The following ACTR3C variants were observed in gnomAD, a reference collection of about 807,000 sequenced individuals.
ACTR3C encodes actin-related protein 3C.
ACTR3C carries 18 observed loss-of-function variants against 26.3 expected under a neutral mutation model. The observed-to-expected ratio is 0.68, with a 90% CI of 0.47 to 1.01. The LOEUF (loss-of-function observed/expected upper bound fraction) is 1.01. Among genes scored for constraint, ACTR3C ranks in the 50% least tolerant of loss-of-function variants. ACTR3C has a pLI of 0.00. For synonymous variants in ACTR3C, 55 were observed against 94.5 expected (o/e 0.58, Z 2.42); for missense variants, 184 against 250.7 (o/e 0.73, Z 1.80).
chr7:150,241,408 T>A (rs755865624), downstream of ACTR3C, among the ~76,000 whole-genome samples: 29 of 152,112 alleles, frequency 1.9e-4, no homozygotes, highest in Non-Finnish European at 4.0e-4. Context: ...AGCTAGTCCA[T>A]GAGGAAAGGA....
At chr7:150,198,979 TG>T in the ACTR3C span, among the ~76,000 whole-genome samples, 89 of 79,754 alleles carry the variant, frequency 1.1e-3, no homozygotes, top group South Asian at 0.024. Context: ...GGGAGGGAGG[TG>T]GGGGGGGTCA....
chr7:150,116,838 C>T, the ACTR3C span, among the ~76,000 whole-genome samples: 1 of 151,998 alleles, frequency 6.6e-6, no homozygotes, highest in African/African-American at 2.4e-5. Flanking sequence ...CCCAGCGAGA[C>T]CAATGCAGAA....
the ACTR3C span, among the ~76,000 whole-genome samples, chr7:149,979,416 C>T: frequency 1.3e-5 from 2 of 152,112 alleles, no homozygotes; most frequent in Non-Finnish European, 2.9e-5. Context: ...ATTCCCTTCC[C>T]CCTAAAAGAC....
intron 1 of ACTR3C, among the ~76,000 whole-genome samples, chr7:150,304,521 G>A (rs1464785274): frequency 1.3e-5 from 2 of 152,128 alleles, no homozygotes; most frequent in Non-Finnish European, 2.9e-5. Flanking sequence ...CCTGCTGCTT[G>A]GAGCTGGCTG....
the ACTR3C span, among the ~76,000 whole-genome samples, chr7:150,158,936 G>A: frequency 5.6e-3 from 801 of 142,930 alleles, 9 homozygotes; most frequent in African/African-American, 0.021. Context: ...CATGTGCGCA[G>A]ACACACGGGC....
At chr7:150,139,877 T>C in the ACTR3C span, among the ~76,000 whole-genome samples, 2 of 152,146 alleles carry the variant, frequency 1.3e-5, no homozygotes, top group African/African-American at 4.8e-5. Context: ...CAGGCAGTGA[T>C]ATAATCCTAG....
At chr7:149,891,467 T>C in the ACTR3C span, 1 of 473,610 alleles carries the variant, frequency 2.1e-6, no homozygotes, top group South Asian at 2.5e-5. Flanking sequence ...AAAAAAAGAT[T>C]AAGTTACATT....
At chr7:150,278,129 G>C (rs1195924817) in intron 6 of ACTR3C, among the ~76,000 whole-genome samples, 1 of 152,032 alleles carries the variant, frequency 6.6e-6, no homozygotes, top group Non-Finnish European at 1.5e-5. Flanking sequence ...ATTCCCTCCA[G>C]ACCCACAGGA....
chr7:150,155,526 T>C, the ACTR3C span, among the ~76,000 whole-genome samples: 1 of 151,972 alleles, frequency 6.6e-6, no homozygotes, highest in Non-Finnish European at 1.5e-5. Flanking sequence ...CACACAACGT[T>C]TACATAAGTT....
At chr7:149,948,398 C>T in the ACTR3C span, among the ~76,000 whole-genome samples, 1 of 150,840 alleles carries the variant, frequency 6.6e-6, no homozygotes. Context: ...CACCTCATCG[C>T]TCCACTTTCC....
chr7:150,187,304 C>A, the ACTR3C span, among the ~76,000 whole-genome samples: 1 of 151,404 alleles, frequency 6.6e-6, no homozygotes, highest in Admixed American at 6.6e-5. Context: ...TTAGACATTA[C>A]CCCAACTGGC....
the ACTR3C span, among the ~76,000 whole-genome samples, chr7:150,041,201 G>A: frequency 0.12 from 12,509 of 102,064 alleles, 23 homozygotes; most frequent in African/African-American, 0.17. Flanking sequence ...AAAGTTCCGG[G>A]TCCCCGACCC....
At chr7:150,036,937 A>C in the ACTR3C span, among the ~76,000 whole-genome samples, 1 of 97,346 alleles carries the variant, frequency 1.0e-5, no homozygotes, top group Non-Finnish European at 2.4e-5. Flanking sequence ...GGGGGTCCTA[A>C]GAGCCAGTGG....
the ACTR3C span, among the ~76,000 whole-genome samples, chr7:149,944,061 A>T: frequency 5.1e-5 from 7 of 137,076 alleles, 1 homozygote; most frequent in African/African-American, 2.4e-4. Context: ...CTGGCAAGTC[A>T]AGGGCTTGTT....
chr7:150,085,954 C>T, the ACTR3C span, among the ~76,000 whole-genome samples: 3 of 150,504 alleles, frequency 2.0e-5, no homozygotes, highest in Non-Finnish European at 4.4e-5. Context: ...GTAGCTAGCC[C>T]ATGATTTTTT....
At chr7:150,242,215 C>CA (rs138460541), downstream of ACTR3C, among the ~76,000 whole-genome samples, 9,483 of 129,132 alleles carry the variant, frequency 0.073, 881 homozygotes, top group African/African-American at 0.22. Flanking sequence ...GAACTTGTCT[C>CA]AAAAAAAAAA....
chr7:150,230,120 G>T, the ACTR3C span, among the ~76,000 whole-genome samples: 8,488 of 150,838 alleles, frequency 0.056, 438 homozygotes, highest in African/African-American at 0.13. Context: ...AGCTACTCGG[G>T]AGGCTGAGGC....
chr7:150,237,754 T>C, the ACTR3C span, among the ~76,000 whole-genome samples: 5 of 151,828 alleles, frequency 3.3e-5, no homozygotes, highest in Non-Finnish European at 7.4e-5. Context: ...GTGTGGGACC[T>C]TGCTGGTAGC....
the ACTR3C span, among the ~76,000 whole-genome samples, chr7:149,922,969 G>GTTTTTTTTTTT: frequency 6.1e-4 from 14 of 23,076 alleles, no homozygotes; most frequent in Admixed American, 1.2e-3. Flanking sequence ...GAAATAAAAG[G>GTTTTTTTTTTT]CTTTTTTTTT....
Sources: gnomAD v4.1 joint callset for allele counts (sites outside exome capture counted in the v4.1 genomes callset) on GRCh38, gnomAD v4.1.1 for gene constraint, MANE v1.5 for transcripts, NCBI Gene and HGNC (gene_info 2026-07-23, HGNC 2026-07-21) for gene names.